The following CCDC170 variants were observed in gnomAD, a reference collection of about 807,000 sequenced individuals.
CCDC170 encodes coiled-coil domain-containing protein 170.
In CCDC170, 69 loss-of-function variants were observed where a neutral mutation model predicts 72.6. The ratio of observed to expected loss-of-function variants is 0.95; its 90% CI spans 0.78 to 1.16. The LOEUF (loss-of-function observed/expected upper bound fraction) is 1.16, where lower values mean the gene tolerates loss of function less well. Among genes scored for constraint, CCDC170 ranks in the 50% most tolerant of loss-of-function variants. The pLI is 0.00. For synonymous variants in CCDC170, 300 were observed against 303.9 expected (o/e 0.99, Z 0.13); for missense variants, 852 against 832.5 (o/e 1.02, Z -0.29).
At chr6:151,558,325 A>G (rs965877788) in intron 5 of CCDC170, among the ~76,000 whole-genome samples, 1 of 148,484 alleles carries the variant, frequency 6.7e-6, no homozygotes, top group Non-Finnish European at 1.5e-5. Context: ...TAGTTTGCAA[A>G]TATTTTCTCC....
chr6:151,540,290 A>G (rs9383920), intron 3 of CCDC170, among the ~76,000 whole-genome samples: 113,473 of 149,990 alleles, frequency 0.76, 43,293 homozygotes, highest in African/African-American at 0.84. Flanking sequence ...ACGGCAGAGA[A>G]AGAGATCACC....
intron 1 of CCDC170, among the ~76,000 whole-genome samples, chr6:151,505,465 C>T (rs1365086715): frequency 6.6e-6 from 1 of 152,034 alleles, no homozygotes. Context: ...GGGCAGGTCA[C>T]GAGGTCAGGA....
intron 1 of CCDC170, among the ~76,000 whole-genome samples, chr6:151,524,930 T>C (rs1284291228): frequency 3.9e-5 from 3 of 77,840 alleles, no homozygotes; most frequent in Non-Finnish European, 6.5e-5. Context: ...AGTCTGATTC[T>C]TTTTTTTTTT....
At chr6:151,513,746 C>T (rs973034359) in intron 1 of CCDC170, among the ~76,000 whole-genome samples, 6 of 151,336 alleles carry the variant, frequency 4.0e-5, no homozygotes, top group African/African-American at 1.5e-4. Flanking sequence ...GATGAAAACC[C>T]CGTCTCTACT....
intron 10 of CCDC170, among the ~76,000 whole-genome samples, chr6:151,616,225 A>G (rs1299603262): frequency 6.6e-6 from 1 of 152,158 alleles, no homozygotes; most frequent in Non-Finnish European, 1.5e-5. Flanking sequence ...TGCAGGAAAC[A>G]GCCCCAAATC....
At chr6:151,513,018 T>A (rs1782170749) in intron 1 of CCDC170, among the ~76,000 whole-genome samples, 1 of 152,210 alleles carries the variant, frequency 6.6e-6, no homozygotes, top group African/African-American at 2.4e-5. Context: ...TTCCTTTGAC[T>A]CAGTTGTTTC....
At chr6:151,557,814 G>A (rs1783007451) in intron 5 of CCDC170, among the ~76,000 whole-genome samples, 1 of 152,152 alleles carries the variant, frequency 6.6e-6, no homozygotes, top group Non-Finnish European at 1.5e-5. Context: ...GTGATGTTGA[G>A]CATTTTAAAA....
At chr6:151,520,765 T>C (rs1427782086) in intron 1 of CCDC170, among the ~76,000 whole-genome samples, 1 of 152,142 alleles carries the variant, frequency 6.6e-6, no homozygotes, top group Non-Finnish European at 1.5e-5. Context: ...GGCCCCCAGC[T>C]AGGAACTGAC....
chr6:151,506,510 T>C lies in CCDC170; in HGVS notation c.57+12325T>C, dbSNP rs144293612. Among the ~76,000 whole-genome samples, 1,436 of 152,354 alleles carry C rather than the reference T, an allele frequency of 9.4e-3. 11 individuals are homozygous for C. The highest frequency in any genetic ancestry group is 0.024 in the Middle Eastern group (7 of 294). On this transcript the variant is annotated intron_variant, in intron 1 of 10. Coordinates refer to ENST00000239374, the MANE Select transcript of CCDC170 (RefSeq NM_025059.4). ...ATTTATTCAAGCTTACAAAGATAGA[T>C]TTATTCAAGATGCAGGCGATAGAGT...
intron 9 of CCDC170, among the ~76,000 whole-genome samples, chr6:151,604,476 C>T (rs1347467787): frequency 6.6e-6 from 1 of 152,138 alleles, no homozygotes; most frequent in African/African-American, 2.4e-5. Context: ...TACAACATTA[C>T]AGCTGGATAG....
intron 1 of CCDC170, among the ~76,000 whole-genome samples, chr6:151,495,235 C>T (rs1781892101): frequency 6.6e-6 from 1 of 152,178 alleles, no homozygotes; most frequent in Non-Finnish European, 1.5e-5. Flanking sequence ...ATAAGTACCA[C>T]TGTGTGCAAA....
At position 151,498,771 on chromosome 6, in the gene CCDC170, A is replaced by G. The variant is rs1396005606; in HGVS notation, c.57+4586A>G. ...TATTTCAGTATTCTAGGCACGCTGT[A>G]TAAGTACAATCAGACTGTATTAAAC... On this transcript the variant is annotated intron_variant, in intron 1 of 10. Transcript: ENST00000239374. Among the ~76,000 whole-genome samples the G allele has an allele frequency of 3.3e-5, 5 of 151,734 alleles. No individual in the cohort carries two copies. The South Asian group carries it at 6.3e-4, about 19-fold the overall frequency.
At chr6:151,527,268 A>G (rs1364323038) in intron 1 of CCDC170, among the ~76,000 whole-genome samples, 3 of 152,052 alleles carry the variant, frequency 2.0e-5, no homozygotes, top group Non-Finnish European at 4.4e-5. Flanking sequence ...TGTAAAAACA[A>G]TATGATCAGT....
chr6:151,599,117 A>G (rs1474088767), intron 9 of CCDC170, among the ~76,000 whole-genome samples: 1 of 152,240 alleles, frequency 6.6e-6, no homozygotes, highest in African/African-American at 2.4e-5. Context: ...GAACCTCACC[A>G]TTATAGCCAA....
intron 1 of CCDC170, among the ~76,000 whole-genome samples, chr6:151,534,323 G>A (rs1782541776): frequency 6.6e-6 from 1 of 151,266 alleles, no homozygotes; most frequent in Non-Finnish European, 1.5e-5. Flanking sequence ...CCCAAACACT[G>A]GGATTACAGG....
chr6:151,530,569 G>A (rs1412732898), intron 1 of CCDC170, among the ~76,000 whole-genome samples: 1 of 151,898 alleles, frequency 6.6e-6, no homozygotes, highest in African/African-American at 2.4e-5. Context: ...AGCCTCCTGA[G>A]TAGCTGGGAT....
At chr6:151,598,951 T>C (rs1392115221) in intron 9 of CCDC170, among the ~76,000 whole-genome samples, 1 of 152,164 alleles carries the variant, frequency 6.6e-6, no homozygotes, top group African/African-American at 2.4e-5. Context: ...CCCTCTGACA[T>C]CTTTGCTTAT....
intron 1 of CCDC170, among the ~76,000 whole-genome samples, chr6:151,509,331 T>C (rs907941595): frequency 6.6e-6 from 1 of 152,194 alleles, no homozygotes; most frequent in Non-Finnish European, 1.5e-5. Context: ...CATTCCTTTC[T>C]CAGTGGCTAT....
At chr6:151,591,686 G>C (rs952222513) in intron 7 of CCDC170, among the ~76,000 whole-genome samples, 1 of 151,950 alleles carries the variant, frequency 6.6e-6, no homozygotes, top group Non-Finnish European at 1.5e-5. Flanking sequence ...TAGTAGAGAC[G>C]GGGTTTCACT....
Sources: gnomAD v4.1 joint callset for allele counts (sites outside exome capture counted in the v4.1 genomes callset) on GRCh38, gnomAD v4.1.1 for gene constraint, MANE v1.5 for transcripts, NCBI Gene and HGNC (gene_info 2026-07-23, HGNC 2026-07-21) for gene names.